ZNF217: variants seen among roughly 807,000 people sequenced by gnomAD.
The protein encoded by ZNF217 is zinc finger protein 217.
In ZNF217, 12 loss-of-function variants were observed where a neutral mutation model predicts 73.3. That is an observed-to-expected ratio of 0.16 (90% confidence interval 0.10 to 0.27). ZNF217 has a LOEUF of 0.27. ZNF217 is among the 10% of genes least tolerant of loss of function. The pLI is 1.00. For synonymous variants in ZNF217, 588 were observed against 516.4 expected, an observed-to-expected ratio of 1.14 and a Z score of -1.88; for missense variants, 1,195 against 1,327.8, an observed-to-expected ratio of 0.90 and a Z score of 1.55.
chr20:53,589,905 C>A (rs897514696), intron 1 of ZNF217, among the ~76,000 whole-genome samples: 1 of 136,230 alleles, frequency 7.3e-6, no homozygotes, highest in Admixed American at 7.4e-5. Context: ...ACCCCTCCCC[C>A]CCGCAGAATC....
chr20:53,568,151 G>A lies in ZNF217; in HGVS notation c.*1137C>T, dbSNP rs1987824918. On this transcript the variant is annotated 3_prime_UTR_variant, in exon 6 of 6. Transcript: ENST00000371471. ...CAGATTTTCTCTTTCTAGACTCCCA[G>A]CGGGCTCGGCCAGCAGTTCCTTATT... 6.6e-6 allele frequency: 1 copy of A among 152,150 alleles called. No individual in the cohort carries two copies. 9.4% of individuals were successfully genotyped at this position (152,150 alleles called of 1,614,324 possible). A position where few individuals can be genotyped will look rare whatever the true frequency, so the allele number is the denominator to read the frequency against.
rs144205864 is a variant in ZNF217, at chr20:53,582,191, G to A, written c.636C>T (p.Ser212=). Residue 212 remains serine (S), a synonymous_variant, in exon 2 of 6, where the codon TCC becomes TCT. Coordinates refer to ENST00000371471, the MANE Select transcript of ZNF217 (RefSeq NM_006526.3). The surrounding 1 kb of genome is among the most constrained non-coding windows in gnomAD (Gnocchi z 4.8). ...AAACCATGCAGATTTTGTAAGGAGAGGAGATGCTCTCGGCCGCGTGCACCT... is the reference window on the plus strand; with the variant it reads ...AAACCATGCAGATTTTGTAAGGAGAAGAGATGCTCTCGGCCGCGTGCACCT... ...VVQVHAAESI[S]SPYKICMVCG... 7 of 1,614,078 alleles carry A rather than the reference G, an allele frequency of 4.3e-6. No homozygotes were observed. Among genetic ancestry groups the A allele is most frequent in the Admixed American group, 3.3e-5 (2 of 60,028 alleles).
intron 3 of ZNF217, among the ~76,000 whole-genome samples, chr20:53,577,885 G>A (rs540337503): frequency 1.6e-4 from 25 of 152,348 alleles, no homozygotes; most frequent in African/African-American, 6.0e-4. Context: ...GCCAAGGTGA[G>A]CGGATCACTT....
At chr20:53,569,874 T>C (rs1277979888) in intron 5 of ZNF217, among the ~76,000 whole-genome samples, 1 of 152,168 alleles carries the variant, frequency 6.6e-6, no homozygotes, top group East Asian at 1.9e-4. Flanking sequence ...GTGGGAGGAC[T>C]GCTTGAGCCC....
intron 2 of ZNF217, among the ~76,000 whole-genome samples, chr20:53,580,000 T>C (rs1988425930): frequency 6.6e-6 from 1 of 152,202 alleles, no homozygotes; most frequent in South Asian, 2.1e-4. Flanking sequence ...TTCAGGGAAC[T>C]GGGGCATCTC....
chr20:53,570,356 T>C (rs1229755857), intron 5 of ZNF217: 1 of 153,116 alleles, frequency 6.5e-6, no homozygotes, highest in African/African-American at 2.4e-5. Flanking sequence ...GATGAAAATA[T>C]GACAGAGAAA....
chr20:53,589,929 T>A (rs1600730425), intron 1 of ZNF217, among the ~76,000 whole-genome samples: 2 of 135,532 alleles, frequency 1.5e-5, no homozygotes, highest in Middle Eastern at 7.9e-3. Flanking sequence ...AGAAGAGGTG[T>A]GCGGATCAAG....
rs546654545 is a variant in ZNF217 at position 53,585,477 on chromosome 20, G to A, written c.-342-2309C>T. 2.0e-5 allele frequency among the ~76,000 whole-genome samples: 3 copies of A among 152,280 alleles called. No individual in the cohort carries two copies. In the East Asian group the frequency reaches 5.8e-4, roughly 29 times the overall value. On this transcript the variant is annotated intron_variant, in intron 1 of 5. Transcript: ENST00000371471. ...TGGGAATCACTTGAACCCAGGAGGT[G>A]GAGGTTGCAGTGAGCCAAGATCGCA...
intron 4 of ZNF217, among the ~76,000 whole-genome samples, chr20:53,572,465 T>C (rs1600711951): frequency 6.6e-6 from 1 of 152,250 alleles, no homozygotes. Context: ...CACAGAGCCT[T>C]TTCCCCCTTT....
At chr20:53,584,990 C>T (rs759982195) in intron 1 of ZNF217, among the ~76,000 whole-genome samples, 7 of 145,960 alleles carry the variant, frequency 4.8e-5, no homozygotes, top group African/African-American at 1.0e-4. Flanking sequence ...TGCTAAAATA[C>T]GCTTATTTTT....
chr20:53,575,795 T>C lies in ZNF217; in HGVS notation c.2969A>G (p.Tyr990Cys), dbSNP rs371730112. The C allele has an allele frequency of 3.4e-5, 55 of 1,613,660 alleles. No homozygotes were observed. The highest frequency in any genetic ancestry group is 6.7e-5 in the African/African-American group (5 of 75,056). ...SPNVLTVQKP[Y>C]GGSGPLYTCV... Reference sequence around the variant, plus strand: ...AGTGTAAAGTGGCCCGGAGCCACCATAGGGCTTCTGAACAGTCAGCACATT... The same window carrying C: ...AGTGTAAAGTGGCCCGGAGCCACCACAGGGCTTCTGAACAGTCAGCACATT... The change falls in exon 4 of 6, where the codon TAT becomes TGT. Residue 990 changes from tyrosine to cysteine, a missense_variant. Physicochemically the swap from Tyr to Cys is radical, Grantham distance 194 (BLOSUM62 -2). This residue lies in a region of ZNF217 where 649 missense variants were observed against 642.8 expected (regional missense o/e 1.01). Transcript: ENST00000371471.
intron 1 of ZNF217, among the ~76,000 whole-genome samples, chr20:53,591,419 A>C (rs544393728): frequency 6.6e-6 from 1 of 152,372 alleles, no homozygotes; most frequent in South Asian, 2.1e-4. Context: ...AAATCATTAA[A>C]ATTCCAAACA....
chr20:53,582,044 C>G lies in ZNF217; in HGVS notation c.783G>C (p.Ser261=). The G allele has an allele frequency of 6.2e-7, 1 of 1,614,236 alleles. No homozygotes were observed. The highest frequency in any genetic ancestry group is 8.5e-7 in the Non-Finnish European group (1 of 1,180,040). The part of the protein sequence containing the change: ...TDSPQGGMPS[S]REDFLQLFNL... ...TGAACAACTGCAGGAAGTCCTCCCT[C>G]GAGGACGGCATTCCTCCTTGTGGAG... The change falls in exon 2 of 6, where the codon TCG becomes TCC. Residue 261 remains serine (S), a synonymous_variant. Coordinates refer to ENST00000371471, the MANE Select transcript of ZNF217 (RefSeq NM_006526.3). The surrounding 1 kb of genome is among the most constrained non-coding windows in gnomAD (Gnocchi z 4.8).
At chr20:53,596,092 C>T (rs1306469187), upstream of ZNF217, among the ~76,000 whole-genome samples, 1 of 152,090 alleles carries the variant, frequency 6.6e-6, no homozygotes, top group Non-Finnish European at 1.5e-5. Context: ...TCAGTAAGAA[C>T]AAGGAGATTC....
chr20:53,592,328 T>C (rs1282994207), intron 1 of ZNF217, among the ~76,000 whole-genome samples: 1 of 151,640 alleles, frequency 6.6e-6, no homozygotes, highest in Non-Finnish European at 1.5e-5. Flanking sequence ...TCAAGGAATT[T>C]CGAGGTAGAA....
In ZNF217 at chr20:53,591,135, G is replaced by A. The variant is rs536752341; in HGVS notation, c.-343+2621C>T. On this transcript the variant is annotated intron_variant, in intron 1 of 5. Coordinates refer to ENST00000371471, the MANE Select transcript of ZNF217 (RefSeq NM_006526.3). ...AAAGTTTTCTACAAATTTTTTCTAA[G>A]TGGTGTATTAGTTCCTTTTTTTGAG... 4.6e-5 allele frequency among the ~76,000 whole-genome samples: 7 copies of A among 152,210 alleles called. No homozygotes were observed. The South Asian group carries it at 1.5e-3, about 32-fold the overall frequency.
In ZNF217 at chr20:53,569,281, T is replaced by G. The variant is rs539261647; in HGVS notation, c.*24-17A>C. On this transcript the variant is annotated splice_polypyrimidine_tract_variant and intron_variant, in intron 5 of 5. Coordinates refer to ENST00000371471, the MANE Select transcript of ZNF217 (RefSeq NM_006526.3). ...CACCAAGACCTAAGGAAAACAACAT[T>G]TTTTAAATGATTAAGATCAAAACTG... The G allele has an allele frequency of 2.7e-5, 35 of 1,290,258 alleles. No homozygotes were observed. Among genetic ancestry groups the G allele is most frequent in the Non-Finnish European group, 3.4e-5 (34 of 990,338 alleles). 79.9% of individuals were successfully genotyped at this position (1,290,258 alleles called of 1,614,324 possible). A position where few individuals can be genotyped will look rare whatever the true frequency, so the allele number is the denominator to read the frequency against.
chr20:53,576,687 C>A lies in ZNF217; in HGVS notation c.2077G>T (p.Ala693Ser), dbSNP rs373031118. 70 of 1,614,062 alleles carry A rather than the reference C, an allele frequency of 4.3e-5. No individual in the cohort carries two copies. Among genetic ancestry groups the A allele is most frequent in the Non-Finnish European group, 5.9e-5 (70 of 1,180,026 alleles). ...HEKPLNLSVG[A>S]LHNCPAISLS... ...GAAATTGCCGGGCAATTGTGAAGAG[C>A]CCCCACGGATAAATTTAAAGGTTTT... is the stretch of plus-strand genomic sequence containing the variant. The change falls in exon 4 of 6, where the codon GCT (alanine) becomes TCT (serine). Residue 693 changes from alanine to serine, a missense_variant. Coordinates refer to ENST00000371471, the MANE Select transcript of ZNF217 (RefSeq NM_006526.3).
intron 5 of ZNF217, among the ~76,000 whole-genome samples, chr20:53,569,572 A>G (rs930090372): frequency 6.6e-6 from 1 of 152,026 alleles, no homozygotes; most frequent in African/African-American, 2.4e-5. Flanking sequence ...TTTAGTAGAG[A>G]AGGGTTTCAC....
Sources: gnomAD v4.1 joint callset for allele counts (sites outside exome capture counted in the v4.1 genomes callset) on GRCh38, gnomAD v4.1.1 for gene constraint, gnomAD v4.1.1 regional missense constraint, Gnocchi (gnomAD v3.1) non-coding constraint, MANE v1.5 for transcripts, NCBI Gene and HGNC (gene_info 2026-07-23, HGNC 2026-07-21) for gene names.